Variants in SPTLC1 observed in about 807,000 individuals in gnomAD.
SPTLC1 encodes the protein serine palmitoyltransferase long chain base subunit 1, also known as serine palmitoyltransferase 1.
A neutral mutation model predicts 68.9 loss-of-function variants in SPTLC1; 55 were observed. That is an observed-to-expected ratio of 0.80 (90% CI 0.64 to 1.00). SPTLC1 has a LOEUF of 1.00. Ranked by LOEUF, SPTLC1 falls within the 50% of genes least tolerant of loss-of-function variation. The probability of loss-of-function intolerance (pLI) is 0.00; values close to 1 mark genes in which losing one functional copy is unlikely to be tolerated. For missense variants in SPTLC1, 449 were observed against 573.1 expected (o/e 0.78, Z 2.21); for synonymous variants, 197 against 201.6 (o/e 0.98, Z 0.19).
chr9:92,067,943 A>G, intron 6 of SPTLC1, 23 bp downstream of exon 6: 1 of 1,612,126 alleles, frequency 6.2e-7, no homozygotes, highest in Non-Finnish European at 8.5e-7. Context: ...CTGCTATTAG[A>G]AAACTACGTA....
intron 5 of SPTLC1, among the ~76,000 whole-genome samples, chr9:92,068,739 G>C (rs1834378826): frequency 6.6e-6 from 1 of 152,174 alleles, no homozygotes; most frequent in Non-Finnish European, 1.5e-5. Flanking sequence ...ATAATTATTA[G>C]ACTGACATGT....
chr9:92,046,379 A>G (rs1833514438), intron 11 of SPTLC1: 1 of 254,076 alleles, frequency 3.9e-6, no homozygotes, highest in African/African-American at 2.2e-5. Flanking sequence ...TCTTTATCCT[A>G]AACAATTTGG....
At chr9:92,034,775 GA>G (rs747433207) in intron 14 of SPTLC1, 34 bp downstream of exon 14, 4 of 1,578,100 alleles carry the variant, frequency 2.5e-6, no homozygotes, top group South Asian at 1.1e-5. Flanking sequence ...CAGAGTAGGG[GA>G]AAAAAATAAG....
intron 3 of SPTLC1, among the ~76,000 whole-genome samples, chr9:92,086,526 T>C (rs1317388399): frequency 6.6e-6 from 1 of 152,228 alleles, no homozygotes; most frequent in African/African-American, 2.4e-5. Flanking sequence ...GGATATGAAA[T>C]TCTGGGTTGA....
At chr9:92,099,644 T>C (rs886801511) in intron 3 of SPTLC1, among the ~76,000 whole-genome samples, 2 of 152,038 alleles carry the variant, frequency 1.3e-5, no homozygotes, top group African/African-American at 4.8e-5. Flanking sequence ...CACACCCACC[T>C]AATTTTTTGG....
chr9:92,098,378 TC>T (rs1289842969), intron 3 of SPTLC1, among the ~76,000 whole-genome samples: 2 of 147,202 alleles, frequency 1.4e-5, no homozygotes, highest in East Asian at 4.4e-4. Flanking sequence ...TCCCTGGCCC[TC>T]CCCCTGCGGA....
At chr9:92,110,257 C>T (rs184316161) in intron 2 of SPTLC1, 1 of 152,316 alleles carries the variant, frequency 6.6e-6, no homozygotes, top group Admixed American at 6.5e-5. Flanking sequence ...TTAATACTTA[C>T]ATAGAAAAAT....
chr9:92,096,155 G>GC (rs1835521682), intron 3 of SPTLC1, among the ~76,000 whole-genome samples: 1 of 152,188 alleles, frequency 6.6e-6, no homozygotes. Context: ...TAATAGACTA[G>GC]AGGACTCCTC....
chr9:92,074,965 G>A (rs1834628940), intron 5 of SPTLC1, among the ~76,000 whole-genome samples: 1 of 151,902 alleles, frequency 6.6e-6, no homozygotes, highest in African/African-American at 2.4e-5. Flanking sequence ...AACTCACCTG[G>A]ACCGTCCTGC....
chr9:92,059,352 G>A, intron 6 of SPTLC1, 44 bp from the exon 7 acceptor site: 1 of 1,610,228 alleles, frequency 6.2e-7, no homozygotes, highest in South Asian at 1.1e-5. Context: ...AAAGGGTCTT[G>A]TCAACATTCT....
At chr9:92,046,823 G>A (rs900326046) in intron 11 of SPTLC1, among the ~76,000 whole-genome samples, 1 of 152,208 alleles carries the variant, frequency 6.6e-6, no homozygotes. Flanking sequence ...GCATGCTTCA[G>A]CTGATTTCTC....
Position 92,087,924 on chromosome 9 carries a change from G to C in SPTLC1, c.261-6961C>G, listed in dbSNP as rs1427974970. On this transcript the variant is annotated intron_variant, in intron 3 of 14. Transcript: ENST00000262554. ...CCAGTTCGAGCTTCCCGGCTGCTTT[G>C]TTTACCTAAGCAAGCCTGGGCAATG... Among the ~76,000 whole-genome samples the C allele has an allele frequency of 2.6e-5, 4 of 152,356 alleles. No individual in the cohort carries two copies. The East Asian group carries it at 7.7e-4, about 29-fold the overall frequency.
rs749538402 is a variant in SPTLC1, at chr9:92,049,948, A to C, written c.888+12T>G. On this transcript the variant is annotated intron_variant, in intron 9 of 14. Transcript: ENST00000262554. ...ATAAGAGGGGAAACGTTCTTAAAAA[A>C]GGGGAACTTACATTGATTCCATAGT... 1 of 1,555,316 alleles carries C rather than the reference A, an allele frequency of 6.4e-7. No individual in the cohort carries two copies. The highest frequency in any genetic ancestry group is 1.7e-5 in the Admixed American group (1 of 59,968).
chr9:92,060,392 G>C (rs1388966491), intron 6 of SPTLC1, among the ~76,000 whole-genome samples: 1 of 152,114 alleles, frequency 6.6e-6, no homozygotes, highest in African/African-American at 2.4e-5. Flanking sequence ...AACAATTTTA[G>C]AGCAGCCACG....
At chr9:92,063,426 T>A (rs2118569095) in intron 6 of SPTLC1, among the ~76,000 whole-genome samples, 1 of 152,230 alleles carries the variant, frequency 6.6e-6, no homozygotes, top group East Asian at 1.9e-4. Context: ...CATGGGAGAA[T>A]TCTACCAAAC....
intron 8 of SPTLC1, among the ~76,000 whole-genome samples, chr9:92,052,537 T>TTA (rs1564089079): frequency 0.011 from 1,679 of 151,278 alleles, 38 homozygotes; most frequent in African/African-American, 0.039. Context: ...TATTATTATT[T>TTA]TTTTTTTTTT....
intron 7 of SPTLC1, among the ~76,000 whole-genome samples, chr9:92,057,238 CTACT>C (rs1440396210): frequency 1.3e-5 from 2 of 152,196 alleles, no homozygotes; most frequent in African/African-American, 2.4e-5. Flanking sequence ...ATACCATAAA[CTACT>C]TATTTCCCTA....
intron 2 of SPTLC1, chr9:92,110,562 C>A (rs566845971): frequency 3.3e-5 from 5 of 152,228 alleles, no homozygotes; most frequent in East Asian, 3.9e-4. Flanking sequence ...TTATGATAGA[C>A]CATATTTACC....
intron 8 of SPTLC1, chr9:92,050,962 G>C: frequency 2.0e-6 from 2 of 984,210 alleles, no homozygotes; most frequent in Non-Finnish European, 2.4e-6. Flanking sequence ...AAAGGTGTGA[G>C]CCACCATGCC....
Sources: allele counts gnomAD v4.1 joint callset (sites outside exome capture counted in the v4.1 genomes callset), GRCh38; gene constraint gnomAD v4.1.1; transcripts MANE v1.5; gene names NCBI Gene and HGNC (gene_info 2026-07-23, HGNC 2026-07-21).